TRIM69: variants seen among roughly 807,000 people sequenced by gnomAD.
TRIM69 encodes the protein tripartite motif containing 69.
TRIM69 carries 29 observed loss-of-function variants against 37.7 expected under a neutral mutation model. The observed-to-expected ratio is 0.77, with a 90% CI of 0.57 to 1.05. The LOEUF is 1.05. Among genes scored for constraint, TRIM69 ranks in the 50% least tolerant of loss-of-function variants. The pLI is 0.00. For missense variants in TRIM69, 596 were observed against 579.9 expected, an observed-to-expected ratio of 1.03 and a Z score of -0.28; for synonymous variants, 209 against 212.4, an observed-to-expected ratio of 0.98 and a Z score of 0.14.
At chr15:44,757,789 C>T (rs1188435176) in intron 3 of TRIM69, 1 of 152,160 alleles carries the variant, frequency 6.6e-6, no homozygotes, top group Non-Finnish European at 1.5e-5. Context: ...ATCCTCCCAG[C>T]TTGGCCTCTA....
intron 1 of TRIM69, among the ~76,000 whole-genome samples, chr15:44,746,336 C>T (rs1422683135): frequency 6.6e-6 from 1 of 152,026 alleles, no homozygotes; most frequent in African/African-American, 2.4e-5. Flanking sequence ...TAGATCTTAC[C>T]TACAAAAAAT....
At chr15:44,750,215 G>GT (rs760452482) in intron 1 of TRIM69, among the ~76,000 whole-genome samples, 7 of 152,254 alleles carry the variant, frequency 4.6e-5, no homozygotes, top group African/African-American at 9.6e-5. Flanking sequence ...AAAATAGTTT[G>GT]TTTTTTGTGA....
At chr15:44,759,722 G>A (rs1296124299) in intron 5 of TRIM69, 26 bp from the exon 6 acceptor site, 2 of 1,614,118 alleles carry the variant, frequency 1.2e-6, no homozygotes, top group Non-Finnish European at 1.7e-6. Flanking sequence ...GGATGTCTAA[G>A]GATAAATGAT....
At chr15:44,759,133 T>C (rs1414109886) in intron 4 of TRIM69, among the ~76,000 whole-genome samples, 4 of 152,232 alleles carry the variant, frequency 2.6e-5, no homozygotes, top group Non-Finnish European at 1.5e-5. Context: ...CATAAAGAGC[T>C]TGATGCTTTA....
Position 44,758,836 on chromosome 15 carries a change from C to T in TRIM69, c.795C>T (p.Asn265=), listed in dbSNP as rs1699624645. The change falls in exon 4 of 7, where the codon AAC becomes AAT. Residue 265 remains asparagine (N), a synonymous_variant. Coordinates refer to ENST00000329464, the MANE Select transcript of TRIM69 (RefSeq NM_182985.5). ...VSIQAKTEQQ[N]SFDFLKDITT... is the part of the protein sequence containing the mutation. ...TTCAGGCAAAGACGGAACAACAGAACTCCTTCGACTTTCTCAAAGTGAGAA... is the reference window on the plus strand; with the variant it reads ...TTCAGGCAAAGACGGAACAACAGAATTCCTTCGACTTTCTCAAAGTGAGAA... The T allele has an allele frequency of 1.9e-6, 3 of 1,613,324 alleles. No homozygotes were observed. Among genetic ancestry groups the T allele is most frequent in the Middle Eastern group, 3.3e-4 (2 of 6,062 alleles).
intron 6 of TRIM69, among the ~76,000 whole-genome samples, chr15:44,764,856 G>A (rs1490624741): frequency 1.3e-5 from 2 of 152,198 alleles, no homozygotes; most frequent in Non-Finnish European, 2.9e-5. Flanking sequence ...TATGTTCAAG[G>A]AACTGCCAAA....
intron 3 of TRIM69, chr15:44,756,993 C>A (rs1017325119): frequency 6.6e-6 from 1 of 152,150 alleles, no homozygotes; most frequent in Non-Finnish European, 1.5e-5. Context: ...ATGGCTAGAG[C>A]TTTGGCAAAT....
At chr15:44,737,769 T>C (rs1191074415) in intron 1 of TRIM69, among the ~76,000 whole-genome samples, 1 of 152,202 alleles carries the variant, frequency 6.6e-6, no homozygotes, top group Non-Finnish European at 1.5e-5. Flanking sequence ...ATGAACTGTA[T>C]TTTTCTGCTC....
At chr15:44,737,111 T>A (rs1469891292) in intron 1 of TRIM69, among the ~76,000 whole-genome samples, 1 of 152,206 alleles carries the variant, frequency 6.6e-6, no homozygotes, top group Non-Finnish European at 1.5e-5. Context: ...TTTAATTGAA[T>A]TCTTCCTTTA....
chr15:44,755,477 T>C, intron 2 of TRIM69, 101 bp downstream of exon 2: 1 of 903,748 alleles, frequency 1.1e-6, no homozygotes, highest in South Asian at 1.6e-5. Context: ...ATTCAAATGA[T>C]GATTAGAAAG....
chr15:44,760,921 AT>A (rs879904771), intron 6 of TRIM69, among the ~76,000 whole-genome samples: 197 of 143,580 alleles, frequency 1.4e-3, no homozygotes, highest in Middle Eastern at 3.6e-3. Flanking sequence ...ACTTAGCATA[AT>A]TTTTTTTTTT....
intron 1 of TRIM69, among the ~76,000 whole-genome samples, chr15:44,741,926 C>T (rs1316171023): frequency 6.6e-6 from 1 of 152,172 alleles, no homozygotes; most frequent in Non-Finnish European, 1.5e-5. Flanking sequence ...GAAGCTATTC[C>T]AATCAACAGA....
At chr15:44,737,980 C>T (rs1226547881) in intron 1 of TRIM69, among the ~76,000 whole-genome samples, 1 of 151,716 alleles carries the variant, frequency 6.6e-6, no homozygotes, top group Non-Finnish European at 1.5e-5. Context: ...GACTTCATAG[C>T]TCTTTGCCTT....
chr15:44,745,189 C>G (rs554536419), intron 1 of TRIM69, among the ~76,000 whole-genome samples: 2 of 151,964 alleles, frequency 1.3e-5, no homozygotes, highest in East Asian at 1.9e-4. Context: ...AAGGCATGCT[C>G]AACATATACG....
At chr15:44,744,215 C>T (rs1355766436) in intron 1 of TRIM69, among the ~76,000 whole-genome samples, 2 of 144,282 alleles carry the variant, frequency 1.4e-5, no homozygotes, top group Admixed American at 1.5e-4. Flanking sequence ...GACAAAAAAC[C>T]AAACACTGCA....
At chr15:44,742,715 T>G in intron 1 of TRIM69, among the ~76,000 whole-genome samples, 1 of 112,108 alleles carries the variant, frequency 8.9e-6, no homozygotes, top group African/African-American at 3.2e-5. Context: ...CCATTCACAA[T>G]TGCTTCAAAG....
intron 6 of TRIM69, among the ~76,000 whole-genome samples, chr15:44,765,782 AAC>A (rs940515366): frequency 3.3e-5 from 5 of 150,322 alleles, no homozygotes; most frequent in African/African-American, 1.2e-4. Flanking sequence ...CAAACAAACA[AAC>A]AAAAAAAAAA....
intron 4 of TRIM69, 69 bp downstream of exon 4, chr15:44,758,923 T>G (rs954891235): frequency 2.0e-6 from 3 of 1,525,696 alleles, no homozygotes; most frequent in African/African-American, 2.8e-5. Flanking sequence ...TTGGAAAGAA[T>G]GCGGAAGTGG....
rs1035533733 is a variant in TRIM69, at chr15:44,755,865, C to A, written c.483+489C>A. On this transcript the variant is annotated intron_variant, in intron 2 of 6. Coordinates refer to ENST00000329464, the MANE Select transcript of TRIM69 (RefSeq NM_182985.5). ...AGGGAAAGGACTTGAACTGGGAAATCATTTGGATTTTGAAGGGCAGAAGGA... is the reference window on the plus strand; with the variant it reads ...AGGGAAAGGACTTGAACTGGGAAATAATTTGGATTTTGAAGGGCAGAAGGA... Among the ~76,000 whole-genome samples the A allele has an allele frequency of 3.9e-5, 6 of 152,234 alleles. No homozygotes were observed. In the East Asian group the frequency reaches 1.2e-3, roughly 29 times the overall value.
Sources: gnomAD v4.1 joint callset for allele counts (sites outside exome capture counted in the v4.1 genomes callset) on GRCh38, gnomAD v4.1.1 for gene constraint, MANE v1.5 for transcripts, NCBI Gene and HGNC (gene_info 2026-07-23, HGNC 2026-07-21) for gene names.